TEX11: variants seen among roughly 807,000 people sequenced by gnomAD.
TEX11 encodes testis expressed 11, also known as testis-expressed protein 11.
TEX11 carries 7 observed loss-of-function variants against 84.4 expected under a neutral mutation model. The ratio of observed to expected loss-of-function variants is 0.08; its 90% CI spans 0.05 to 0.16. The LOEUF is 0.16. Ranked by LOEUF, TEX11 falls within the 10% of genes least tolerant of loss-of-function variation. The pLI, the probability that TEX11 is intolerant of heterozygous loss-of-function variation, is 1.00. For missense variants in TEX11, 551 were observed against 660.5 expected, an observed-to-expected ratio of 0.83 and a Z score of 1.82; for synonymous variants, 264 against 222.8, an observed-to-expected ratio of 1.18 and a Z score of -1.64.
At chrX:70,886,869 T>C (rs915162157) in intron 2 of TEX11, among the ~76,000 whole-genome samples, 7 of 111,835 alleles carry the variant, frequency 6.3e-5, no homozygotes, top group African/African-American at 2.3e-4. Context: ...GCTGACAATA[T>C]CATGCTAATC....
rs1429773514 is a variant in TEX11 at position 70,596,294 on chromosome X, T to C, written c.2068-4471A>G. 6.3e-5 allele frequency among the ~76,000 whole-genome samples: 7 copies of C among 111,783 alleles called. No individual in the cohort carries two copies. The Admixed American group carries it at 6.7e-4, about 11-fold the overall frequency. On this transcript the variant is annotated intron_variant, in intron 24 of 29. Transcript: ENST00000374333. Reference sequence around the variant, plus strand: ...AACACTATCAACCTACTAGACCTAATAGCCATAAAACATTTCACTAACCCA... The same window carrying C: ...AACACTATCAACCTACTAGACCTAACAGCCATAAAACATTTCACTAACCCA...
chrX:70,862,392 C>G (rs1297200713), intron 4 of TEX11, among the ~76,000 whole-genome samples: 1 of 111,546 alleles, frequency 9.0e-6, no homozygotes, highest in Admixed American at 9.6e-5. Context: ...TCTACCTATG[C>G]TAACACCACT....
At chrX:70,692,977 G>A (rs1010933537) in intron 13 of TEX11, among the ~76,000 whole-genome samples, 2 of 111,679 alleles carry the variant, frequency 1.8e-5, no homozygotes, top group Non-Finnish European at 3.8e-5. Flanking sequence ...GGGTGCAGTG[G>A]CACACGCCTG....
chrX:70,599,973 T>A (rs1212787392), intron 24 of TEX11, among the ~76,000 whole-genome samples: 1 of 110,540 alleles, frequency 9.0e-6, no homozygotes, highest in Non-Finnish European at 1.9e-5. Context: ...AATGCCTCAA[T>A]AAACATACGT....
intron 25 of TEX11, among the ~76,000 whole-genome samples, chrX:70,569,291 C>T (rs2088548805): frequency 9.0e-6 from 1 of 111,533 alleles, no homozygotes; most frequent in Non-Finnish European, 1.9e-5. Flanking sequence ...ATTGGTTATT[C>T]TAGTTATATA....
intron 9 of TEX11, among the ~76,000 whole-genome samples, chrX:70,803,439 G>A (rs757270869): frequency 4.4e-4 from 49 of 111,406 alleles, no homozygotes; most frequent in African/African-American, 1.4e-3. Flanking sequence ...AAAGGCAGGA[G>A]GGTGATAAAA....
At chrX:70,757,451 A>G (rs190873507) in intron 9 of TEX11, among the ~76,000 whole-genome samples, 6 of 112,239 alleles carry the variant, frequency 5.3e-5, no homozygotes, top group Admixed American at 4.7e-4. Flanking sequence ...GCCAGAAGAC[A>G]GTGACAGCCA....
intron 2 of TEX11, among the ~76,000 whole-genome samples, chrX:70,905,600 T>G (rs1484954457): frequency 9.0e-6 from 1 of 111,521 alleles, no homozygotes; most frequent in East Asian, 2.8e-4. Flanking sequence ...AAACACAGTG[T>G]TCGTTGTAGC....
chrX:70,546,377 G>GA (rs2088125290), intron 28 of TEX11, among the ~76,000 whole-genome samples: 1 of 111,698 alleles, frequency 9.0e-6, no homozygotes, highest in Non-Finnish European at 1.9e-5. Context: ...ACCCACAAAA[G>GA]AAAAAATTGA....
At chrX:70,875,210 T>C (rs2091649529) in intron 3 of TEX11, among the ~76,000 whole-genome samples, 1 of 109,427 alleles carries the variant, frequency 9.1e-6, no homozygotes, top group Non-Finnish European at 1.9e-5. Context: ...AATAAATAAA[T>C]AAACAAATAA....
At chrX:70,794,223 T>C in intron 9 of TEX11, among the ~76,000 whole-genome samples, 4 of 111,691 alleles carry the variant, frequency 3.6e-5, no homozygotes, top group Middle Eastern at 9.2e-3. Flanking sequence ...TGTGAGACTC[T>C]GCATCGCAAC....
chrX:70,605,348 C>A, intron 24 of TEX11, 53 bp downstream of exon 24: 1 of 824,763 alleles, frequency 1.2e-6, no homozygotes, highest in Non-Finnish European at 1.8e-6. Flanking sequence ...GGAAGGCAAA[C>A]ATATCAAATA....
At chrX:70,750,108 C>T (rs749657290) in intron 9 of TEX11, among the ~76,000 whole-genome samples, 83 of 111,348 alleles carry the variant, frequency 7.5e-4, no homozygotes, top group Non-Finnish European at 1.3e-3. Context: ...AAAAAGTGGG[C>T]GAAGGACATG....
chrX:70,549,043 G>A (rs2088177567), intron 28 of TEX11, among the ~76,000 whole-genome samples: 1 of 111,340 alleles, frequency 9.0e-6, no homozygotes, highest in Non-Finnish European at 1.9e-5. Context: ...GCTTAAGGGG[G>A]ACTTTGTCTT....
chrX:70,895,037 A>G (rs368245388), intron 2 of TEX11, among the ~76,000 whole-genome samples: 97 of 111,737 alleles, frequency 8.7e-4, no homozygotes, highest in African/African-American at 3.0e-3. Context: ...GGCCAGGTCA[A>G]TGAGGCAAGA....
chrX:70,688,306 CTT>C (rs1384041246), intron 13 of TEX11, among the ~76,000 whole-genome samples: 1 of 111,424 alleles, frequency 9.0e-6, no homozygotes, highest in Non-Finnish European at 1.9e-5. Flanking sequence ...GATTTGAAAA[CTT>C]AGATCTACTC....
At chrX:70,561,035 G>T (rs73538779) in intron 25 of TEX11, among the ~76,000 whole-genome samples, 8,592 of 104,959 alleles carry the variant, frequency 0.082, 835 homozygotes, top group African/African-American at 0.26. Flanking sequence ...AGTACTGTAA[G>T]CCACCACACA....
chrX:70,609,252 G>A, intron 21 of TEX11, 75 bp from the exon 22 acceptor site: 1 of 923,893 alleles, frequency 1.1e-6, no homozygotes, highest in South Asian at 2.5e-5. Context: ...CCTGCTTTAA[G>A]AACAGTCTCA....
At chrX:70,890,939 A>G (rs781384832) in intron 2 of TEX11, among the ~76,000 whole-genome samples, 5 of 112,308 alleles carry the variant, frequency 4.5e-5, no homozygotes, top group Non-Finnish European at 9.4e-5. Context: ...CCTAAATGGG[A>G]GATGCCTCCC....
Sources: gnomAD v4.1 joint callset for allele counts (sites outside exome capture counted in the v4.1 genomes callset) on GRCh38, gnomAD v4.1.1 for gene constraint, MANE v1.5 for transcripts, NCBI Gene and HGNC (gene_info 2026-07-23, HGNC 2026-07-21) for gene names.